Variants in NRG3 observed in about 807,000 individuals in gnomAD.
NRG3 encodes pro-neuregulin-3, membrane-bound isoform.
In NRG3, 31 loss-of-function variants were observed where a neutral mutation model predicts 66.9. The ratio of observed to expected loss-of-function variants is 0.46; its 90% CI spans 0.35 to 0.63. The LOEUF (loss-of-function observed/expected upper bound fraction) is 0.63, where lower values mean the gene tolerates loss of function less well. Ranked by LOEUF, NRG3 falls within the 20% of genes least tolerant of loss-of-function variation. The pLI is 0.00. For synonymous variants in NRG3, 393 were observed against 359.4 expected (o/e 1.09, Z -1.06); for missense variants, 910 against 878.9 (o/e 1.04, Z -0.45).
chr10:82,739,293 T>C (rs2058303867), intron 3 of NRG3, among the ~76,000 whole-genome samples: 1 of 152,234 alleles, frequency 6.6e-6, no homozygotes, highest in Non-Finnish European at 1.5e-5. Flanking sequence ...AAATGCCCAA[T>C]TCTAGTCAAA....
chr10:82,452,689 T>C (rs2091075006), intron 2 of NRG3, among the ~76,000 whole-genome samples: 1 of 152,048 alleles, frequency 6.6e-6, no homozygotes, highest in Admixed American at 6.5e-5. Flanking sequence ...CTTGCCACAA[T>C]TGGAGTTCTA....
At chr10:82,434,783 C>T (rs1451271369) in intron 2 of NRG3, among the ~76,000 whole-genome samples, 1 of 152,086 alleles carries the variant, frequency 6.6e-6, no homozygotes, top group Non-Finnish European at 1.5e-5. Flanking sequence ...CTTTGTGTCC[C>T]AGAGGTGAAG....
chr10:81,896,620 A>G (rs916630959), intron 1 of NRG3, among the ~76,000 whole-genome samples: 3 of 149,806 alleles, frequency 2.0e-5, no homozygotes, highest in African/African-American at 7.4e-5. Flanking sequence ...AAAGCAAAGT[A>G]TATTAGTAGA....
chr10:82,391,749 G>A (rs1318644709), intron 2 of NRG3, among the ~76,000 whole-genome samples: 1 of 151,982 alleles, frequency 6.6e-6, no homozygotes, highest in African/African-American at 2.4e-5. Flanking sequence ...GAAGAAATAA[G>A]CTTTTGTGTG....
At chr10:82,423,933 A>C (rs1286209816) in intron 2 of NRG3, among the ~76,000 whole-genome samples, 1 of 151,924 alleles carries the variant, frequency 6.6e-6, no homozygotes. Context: ...AAATTAACAA[A>C]ATTCTTTCAA....
chr10:81,903,457 G>T (rs1197452266), intron 1 of NRG3, among the ~76,000 whole-genome samples: 1 of 152,150 alleles, frequency 6.6e-6, no homozygotes, highest in Non-Finnish European at 1.5e-5. Context: ...AAATAAGCTG[G>T]TGTAAGCATA....
At chr10:82,981,014 G>T (rs1852825023) in intron 8 of NRG3, among the ~76,000 whole-genome samples, 1 of 152,162 alleles carries the variant, frequency 6.6e-6, no homozygotes, top group African/African-American at 2.4e-5. Flanking sequence ...ATCAACTTCA[G>T]AGATTTTGTG....
chr10:82,836,290 G>C (rs918452957), intron 3 of NRG3, among the ~76,000 whole-genome samples: 23 of 152,104 alleles, frequency 1.5e-4, no homozygotes, highest in Non-Finnish European at 2.8e-4. Context: ...TTGGTTTACA[G>C]AGATGTATTG....
intron 2 of NRG3, among the ~76,000 whole-genome samples, chr10:82,693,071 T>C (rs1217097671): frequency 6.6e-6 from 1 of 152,192 alleles, no homozygotes; most frequent in African/African-American, 2.4e-5. Context: ...CCCACTCCTG[T>C]CAATCTTGTT....
chr10:81,938,134 A>G (rs1848057974), intron 1 of NRG3, among the ~76,000 whole-genome samples: 1 of 152,054 alleles, frequency 6.6e-6, no homozygotes, highest in South Asian at 2.1e-4. Context: ...TGATTAGTGT[A>G]GCCTGGTAAT....
At chr10:81,915,496 G>GTTTTTTTTTTTTTTTT (rs78693924) in intron 1 of NRG3, among the ~76,000 whole-genome samples, 4 of 130,734 alleles carry the variant, frequency 3.1e-5, no homozygotes, top group African/African-American at 9.2e-5. Context: ...CACTTCTTTA[G>GTTTTTTTTTTTTTTTT]TTTTTTTTTT....
rs7895300 is a variant in NRG3, at chr10:82,091,203, C to T, written c.823+215040C>T. 1.2e-3 allele frequency among the ~76,000 whole-genome samples: 180 copies of T among 152,162 alleles called. 1 individual carries two copies. Among genetic ancestry groups the T allele is most frequent in the African/African-American group, 4.2e-3 (174 of 41,506 alleles). The stretch of plus-strand genomic sequence containing the variant: ...TCAAACATGTGGCTTATCCATTGAT[C>T]GGTAGTCTTAGATACATTCACAATG... On this transcript the variant is annotated intron_variant, in intron 1 of 8. Coordinates refer to ENST00000372141, the MANE Select transcript of NRG3 (RefSeq NM_001010848.4).
chr10:82,730,764 C>A (rs950632161), intron 2 of NRG3, among the ~76,000 whole-genome samples: 1 of 152,230 alleles, frequency 6.6e-6, no homozygotes, highest in African/African-American at 2.4e-5. Flanking sequence ...TCACAAAATT[C>A]TCCATAGTCA....
intron 1 of NRG3, among the ~76,000 whole-genome samples, chr10:81,970,231 G>A (rs1168671874): frequency 6.6e-6 from 1 of 152,144 alleles, no homozygotes; most frequent in East Asian, 1.9e-4. Flanking sequence ...TTATTTTTGT[G>A]CATATAGCAT....
intron 1 of NRG3, among the ~76,000 whole-genome samples, chr10:82,245,016 C>T (rs2077172682): frequency 6.6e-6 from 1 of 152,132 alleles, no homozygotes; most frequent in Admixed American, 6.5e-5. Context: ...AGGTGTGAGC[C>T]ACCGCACCCA....
chr10:82,254,707 A>C (rs1191472143), intron 1 of NRG3, among the ~76,000 whole-genome samples: 2 of 151,562 alleles, frequency 1.3e-5, no homozygotes, highest in African/African-American at 4.8e-5. Flanking sequence ...ACTGATTGTT[A>C]GATATCAAAG....
intron 2 of NRG3, among the ~76,000 whole-genome samples, chr10:82,484,901 T>C (rs1842558587): frequency 6.6e-6 from 1 of 152,224 alleles, no homozygotes; most frequent in Non-Finnish European, 1.5e-5. Flanking sequence ...GCAAGAGTGA[T>C]GTATGTGATT....
At chr10:82,825,638 A>G (rs2062166060) in intron 3 of NRG3, among the ~76,000 whole-genome samples, 1 of 152,132 alleles carries the variant, frequency 6.6e-6, no homozygotes, top group Non-Finnish European at 1.5e-5. Context: ...AATCTATACT[A>G]TTTTATGACA....
intron 2 of NRG3, among the ~76,000 whole-genome samples, chr10:82,703,837 A>G (rs1038022336): frequency 6.6e-6 from 1 of 152,164 alleles, no homozygotes; most frequent in Non-Finnish European, 1.5e-5. Flanking sequence ...TCTGAACATC[A>G]GATTTCTGTT....
Sources: gnomAD v4.1 joint callset for allele counts (sites outside exome capture counted in the v4.1 genomes callset) on GRCh38, gnomAD v4.1.1 for gene constraint, MANE v1.5 for transcripts, NCBI Gene and HGNC (gene_info 2026-07-23, HGNC 2026-07-21) for gene names.